The following ADA variants were observed in gnomAD, a reference collection of about 807,000 sequenced individuals.
ADA encodes adenosine deaminase, also known as adenosine aminohydrolase.
In ADA, 45 loss-of-function variants were observed where a neutral mutation model predicts 49.0. The observed-to-expected ratio is 0.92, with a 90% CI of 0.72 to 1.18. The LOEUF is 1.18. Among genes scored for constraint, ADA ranks in the 50% most tolerant of loss-of-function variants. The probability of loss-of-function intolerance (pLI) is 0.00; values close to 1 mark genes in which losing one functional copy is unlikely to be tolerated. For missense variants in ADA, 445 were observed against 472.5 expected (o/e 0.94, Z 0.54); for synonymous variants, 173 against 184.2 (o/e 0.94, Z 0.49).
intron 1 of ADA, 66 bp downstream of exon 1, chr20:44,651,509 C>T (rs1485420423): frequency 1.2e-5 from 17 of 1,472,990 alleles, no homozygotes; most frequent in Non-Finnish European, 1.6e-5. Context: ...CGGGCTGGGC[C>T]CCGCTAAGCC....
intron 2 of ADA, among the ~76,000 whole-genome samples, chr20:44,630,809 G>C (rs2065426917): frequency 6.6e-6 from 1 of 152,150 alleles, no homozygotes; most frequent in Non-Finnish European, 1.5e-5. Flanking sequence ...GATCACTTAA[G>C]CCCAGGAGTT....
At position 44,619,734 on chromosome 20, in the gene ADA, G is replaced by A; in HGVS notation, c.*100C>T. ...TCAGGAGCATCAGTAACTGACTATT[G>A]AGATCATGGTCTTCTTGGAAGGAAT... On this transcript the variant is annotated 3_prime_UTR_variant, in exon 12 of 12. Coordinates refer to ENST00000372874, the MANE Select transcript of ADA (RefSeq NM_000022.4). The A allele has an allele frequency of 6.7e-7, 1 of 1,486,786 alleles. No individual in the cohort carries two copies. The highest frequency in any genetic ancestry group is 9.4e-7 in the Non-Finnish European group (1 of 1,065,196). The allele number at this position is 1,486,786 out of a possible 1,614,324, so 92.1% of individuals were successfully genotyped here.
At chr20:44,624,025 C>T (rs1189613382) in intron 6 of ADA, 177 bp downstream of exon 6, 1 of 866,922 alleles carries the variant, frequency 1.2e-6, no homozygotes, top group Non-Finnish European at 1.8e-6. Context: ...GGATCACAGG[C>T]ATGAACCACC....
rs544122441 is a variant in ADA, at chr20:44,622,498, C to T, written c.845+90G>A. ...GAAGAGATTTCATATCTAAAAGACG[C>T]GGCATGGGCTGATGCCCAATCCCTA... On this transcript the variant is annotated intron_variant, in intron 9 of 11. Transcript: ENST00000372874. 121 of 1,456,352 alleles carry T rather than the reference C, an allele frequency of 8.3e-5. 1 individual carries two copies. The Middle Eastern group carries it at 2.6e-3, about 31-fold the overall frequency. 90.2% of individuals were successfully genotyped at this position (1,456,352 alleles called of 1,614,324 possible). A position where few individuals can be genotyped will look rare whatever the true frequency, so the allele number is the denominator to read the frequency against.
intron 2 of ADA, 108 bp downstream of exon 2, chr20:44,636,119 A>C: frequency 9.4e-7 from 1 of 1,068,470 alleles, no homozygotes; most frequent in South Asian, 1.4e-5. Context: ...TGATTCCCAC[A>C]GGGAGACAGG....
chr20:44,632,905 G>A (rs1178618507), intron 2 of ADA, among the ~76,000 whole-genome samples: 3 of 152,350 alleles, frequency 2.0e-5, no homozygotes, highest in Middle Eastern at 3.4e-3. Flanking sequence ...TGTTGGCCAC[G>A]CTGGTCTTGA....
At chr20:44,629,477 G>C (rs1226915124) in intron 2 of ADA, among the ~76,000 whole-genome samples, 1 of 152,170 alleles carries the variant, frequency 6.6e-6, no homozygotes, top group Non-Finnish European at 1.5e-5. Context: ...CCATATCCTT[G>C]GTTGACTGAT....
intron 1 of ADA, among the ~76,000 whole-genome samples, chr20:44,645,613 C>A (rs2065583517): frequency 6.6e-6 from 1 of 152,132 alleles, no homozygotes; most frequent in Non-Finnish European, 1.5e-5. Flanking sequence ...CAGAGTGAGA[C>A]TCTGTCTCAA....
rs121908723 is a variant in ADA, at chr20:44,623,039, C to T, written c.646G>A (p.Gly216Arg). The T allele has an allele frequency of 3.3e-5, 54 of 1,614,040 alleles. No individual in the cohort carries two copies. Among genetic ancestry groups the T allele is most frequent in the Middle Eastern group, 1.6e-4 (1 of 6,084 alleles). The change falls in exon 7 of 12, where the codon GGG (glycine) becomes AGG (arginine). Residue 216 changes from glycine to arginine, a missense_variant. By Grantham distance (125) the Gly-to-Arg change is moderately radical. Transcript: ENST00000372874. ...KSGIHRTVHA[G>R]EVGSAEVVKE... ...ACTACTTCGGCCGAGCCCACCTCCC[C>T]GGCGTGGACAGTACGGTGAATGCCG...
chr20:44,651,468 G>T, intron 1 of ADA, 107 bp downstream of exon 1: 1 of 1,117,302 alleles, frequency 9.0e-7, no homozygotes, highest in Non-Finnish European at 1.3e-6. Context: ...GCCTGCAGGA[G>T]CCCCCGTTCG....
At chr20:44,640,368 T>G (rs980653098) in intron 1 of ADA, among the ~76,000 whole-genome samples, 3 of 151,050 alleles carry the variant, frequency 2.0e-5, no homozygotes, top group Non-Finnish European at 4.4e-5. Context: ...GAGCCGAGAT[T>G]GAGCCACTAG....
intron 1 of ADA, among the ~76,000 whole-genome samples, chr20:44,647,801 C>T (rs2145360586): frequency 6.6e-6 from 1 of 152,126 alleles, no homozygotes; most frequent in East Asian, 1.9e-4. Context: ...CCTGTAATCC[C>T]AGCTACTCCG....
intron 3 of ADA, among the ~76,000 whole-genome samples, chr20:44,628,734 C>A (rs2065405570): frequency 6.6e-6 from 1 of 151,404 alleles, no homozygotes; most frequent in African/African-American, 2.4e-5. Flanking sequence ...CCCCTCACAA[C>A]ACGAAGCCCT....
chr20:44,636,389 T>C (rs2065480999), intron 1 of ADA, 101 bp from the exon 2 acceptor site: 1 of 1,036,682 alleles, frequency 9.6e-7, no homozygotes, highest in Non-Finnish European at 1.5e-6. Context: ...ACATTAATCA[T>C]GATAACCATT....
intron 1 of ADA, among the ~76,000 whole-genome samples, chr20:44,651,193 C>G (rs427483): frequency 0.26 from 39,194 of 152,156 alleles, 5,396 homozygotes; most frequent in Admixed American, 0.34. Flanking sequence ...CAGTAGGCGC[C>G]GGGCACAGCA....
chr20:44,623,044 TG>T lies in ADA; in HGVS notation c.640del (p.His214ThrfsTer10). 6.2e-7 allele frequency: 1 copy of T among 1,614,040 alleles called. No individual in the cohort carries two copies. Among genetic ancestry groups the T allele is most frequent in the Non-Finnish European group, 8.5e-7 (1 of 1,179,974 alleles). On this transcript the variant is annotated frameshift_variant, in exon 7 of 12. Coordinates refer to ENST00000372874, the MANE Select transcript of ADA (RefSeq NM_000022.4). LOFTEE classifies it high-confidence loss of function. ...TTCGGCCGAGCCCACCTCCCCGGCG[TG>T]GACAGTACGGTGAATGCCGCTCTTC... ...AVKSGIHRTV[H>X]AGEVGSAEVV...
At chr20:44,642,431 T>C (rs746763829) in intron 1 of ADA, among the ~76,000 whole-genome samples, 2 of 152,116 alleles carry the variant, frequency 1.3e-5, no homozygotes, top group South Asian at 2.1e-4. Context: ...AGAAAGTGTG[T>C]TGGGAAAAGA....
At chr20:44,651,487 G>A (rs2145366818) in intron 1 of ADA, 88 bp downstream of exon 1, 4 of 1,354,424 alleles carry the variant, frequency 3.0e-6, no homozygotes, top group South Asian at 1.3e-5. Context: ...CGTTCCCAGG[G>A]TTTGGACGCC....
rs371353841 is a variant in ADA, at chr20:44,623,021, C to G, written c.664G>C (p.Glu222Gln). 6.2e-7 allele frequency: 1 copy of G among 1,614,198 alleles called. No homozygotes were observed. Among genetic ancestry groups the G allele is most frequent in the Non-Finnish European group, 8.5e-7 (1 of 1,180,038 alleles). Reference sequence around the variant, plus strand: ...CAGGCCCTCACCTCTTTTACTACTTCGGCCGAGCCCACCTCCCCGGCGTGG... The same window carrying G: ...CAGGCCCTCACCTCTTTTACTACTTGGGCCGAGCCCACCTCCCCGGCGTGG... ...TVHAGEVGSAEVVKEAVDILK... is the reference protein window; with the variant it reads ...TVHAGEVGSAQVVKEAVDILK... The change falls in exon 7 of 12, where the codon GAA becomes CAA. Residue 222 changes from glutamate (E) to glutamine (Q), a missense_variant. Transcript: ENST00000372874.
Sources: allele counts gnomAD v4.1 joint callset (sites outside exome capture counted in the v4.1 genomes callset), GRCh38; gene constraint gnomAD v4.1.1; transcripts MANE v1.5; gene names NCBI Gene and HGNC (gene_info 2026-07-23, HGNC 2026-07-21).